Variants in FLRT2 observed in about 807,000 individuals in gnomAD.
FLRT2 encodes the protein fibronectin leucine rich transmembrane protein 2, also known as leucine-rich repeat transmembrane protein FLRT2.
Under a neutral mutation model 40.0 loss-of-function variants are expected in FLRT2, and 15 were observed. That is an observed-to-expected ratio of 0.38 (90% confidence interval 0.25 to 0.58). FLRT2 has a LOEUF of 0.58. Ranked by LOEUF, FLRT2 falls within the 20% of genes least tolerant of loss-of-function variation. The probability of loss-of-function intolerance (pLI) is 0.71; values close to 1 mark genes in which losing one functional copy is unlikely to be tolerated. For synonymous variants in FLRT2, 380 were observed against 336.8 expected (o/e 1.13, Z -1.41); for missense variants, 726 against 840.0 (o/e 0.86, Z 1.68).
chr14:85,537,565 A>G (rs1888733681), intron 1 of FLRT2, among the ~76,000 whole-genome samples: 1 of 152,080 alleles, frequency 6.6e-6, no homozygotes, highest in Admixed American at 6.5e-5. Flanking sequence ...TCAGTAATAA[A>G]GGACCTCCAA....
rs1893923718 is a variant in FLRT2, at chr14:85,633,152, T to C, written c.*9655T>C. The stretch of plus-strand genomic sequence containing the variant: ...ATGATCTATTTAAAGGTAATTAGCA[T>C]TCAAAATTCCTCAAAACACTCAATA... On this transcript the variant is annotated 3_prime_UTR_variant, in exon 2 of 2. Coordinates refer to ENST00000330753, the MANE Select transcript of FLRT2 (RefSeq NM_013231.6). The C allele has an allele frequency of 6.6e-6, 1 of 152,204 alleles. No homozygotes were observed. The highest frequency in any genetic ancestry group is 6.5e-5 in the Admixed American group (1 of 15,276). The allele number at this position is 152,204 out of a possible 1,614,324, so 9.4% of individuals were successfully genotyped here. A position where few individuals can be genotyped will look rare whatever the true frequency, so the allele number is the denominator to read the frequency against.
intron 1 of FLRT2, among the ~76,000 whole-genome samples, chr14:85,589,345 G>C (rs1891779657): frequency 6.6e-6 from 1 of 152,096 alleles, no homozygotes; most frequent in Admixed American, 6.5e-5. Flanking sequence ...GTTTTAATTT[G>C]CATTTCTCTA....
At chr14:85,572,507 T>C (rs909271176) in intron 1 of FLRT2, among the ~76,000 whole-genome samples, 1 of 152,346 alleles carries the variant, frequency 6.6e-6, no homozygotes, top group South Asian at 2.1e-4. Flanking sequence ...ATTATTCACG[T>C]CCCGTATTCA....
chr14:85,549,283 A>G (rs1259887538), intron 1 of FLRT2, among the ~76,000 whole-genome samples: 2 of 152,138 alleles, frequency 1.3e-5, no homozygotes. Flanking sequence ...ACACTGTAAC[A>G]CAGGGCCTCT....
At position 85,585,946 on chromosome 14, in the gene FLRT2, T is replaced by C. The variant is rs146415724; in HGVS notation, c.-376-35193T>C. 5.5e-4 allele frequency among the ~76,000 whole-genome samples: 83 copies of C among 151,110 alleles called. 1 individual carries two copies. The Middle Eastern group carries it at 0.01, about 19-fold the overall frequency. On this transcript the variant is annotated intron_variant, in intron 1 of 1. Coordinates refer to ENST00000330753, the MANE Select transcript of FLRT2 (RefSeq NM_013231.6). The stretch of plus-strand genomic sequence containing the variant: ...TTACTTCTTTGATATTGGCTCTACA[T>C]GCTTTTAATTAAGTATATATATTTT...
intron 1 of FLRT2, among the ~76,000 whole-genome samples, chr14:85,592,317 C>T (rs984937567): frequency 3.3e-5 from 5 of 152,118 alleles, no homozygotes; most frequent in South Asian, 2.1e-4. Flanking sequence ...TATCTGGCAG[C>T]AATTGGGCTG....
Position 85,653,588 on chromosome 14 carries a change from C to A in FLRT2, c.*30091C>A, listed in dbSNP as rs1254904125. On this transcript the variant is annotated 3_prime_UTR_variant, in exon 2 of 2. Transcript: ENST00000330753. The stretch of plus-strand genomic sequence containing the variant: ...GAAACTTGCTGCCTTTTCCTAGAAG[C>A]ACATGAAAGAAACCCTGGTCCAAGC... The A allele has an allele frequency of 6.6e-6, 1 of 152,234 alleles. No homozygotes were observed. The highest frequency in any genetic ancestry group is 2.4e-5 in the African/African-American group (1 of 41,446). The allele number at this position is 152,234 out of a possible 1,614,324, so 9.4% of individuals were successfully genotyped here.
At position 85,645,946 on chromosome 14, in the gene FLRT2, G is replaced by C. The variant is rs1027620349; in HGVS notation, c.*22449G>C. On this transcript the variant is annotated 3_prime_UTR_variant, in exon 2 of 2. Transcript: ENST00000330753. ...CTATTTAGTGGCAGGTGGTGACAGTGGATTTCTTCTCTTATGGAAAGGACA... is the reference window on the plus strand; with the variant it reads ...CTATTTAGTGGCAGGTGGTGACAGTCGATTTCTTCTCTTATGGAAAGGACA... 3 of 150,436 alleles carry C rather than the reference G, an allele frequency of 2.0e-5. No homozygotes were observed. Among genetic ancestry groups the C allele is most frequent in the Non-Finnish European group, 2.9e-5 (2 of 67,872 alleles). The allele number at this position is 150,436 out of a possible 1,614,324, so 9.3% of individuals were successfully genotyped here.
At chr14:85,577,920 T>A (rs932646068) in intron 1 of FLRT2, among the ~76,000 whole-genome samples, 4 of 151,616 alleles carry the variant, frequency 2.6e-5, no homozygotes, top group Non-Finnish European at 5.9e-5. Context: ...TCAATAGGAC[T>A]TGCGCGAGAA....
chr14:85,536,970 A>T (rs781164475), intron 1 of FLRT2, among the ~76,000 whole-genome samples: 1 of 152,166 alleles, frequency 6.6e-6, no homozygotes, highest in East Asian at 1.9e-4. Flanking sequence ...GTGAAATTTT[A>T]TTGCTCCTAA....
At chr14:85,558,566 A>C (rs996528570) in intron 1 of FLRT2, among the ~76,000 whole-genome samples, 1 of 152,186 alleles carries the variant, frequency 6.6e-6, no homozygotes, top group African/African-American at 2.4e-5. Context: ...GTTTCAAAGG[A>C]GGAGTCTCTT....
In FLRT2 at chr14:85,626,354, G is replaced by A. The variant is rs1893682321; in HGVS notation, c.*2857G>A. The A allele has an allele frequency of 6.0e-6, 1 of 167,016 alleles. No individual in the cohort carries two copies. The highest frequency in any genetic ancestry group is 1.5e-5 in the Non-Finnish European group (1 of 68,130). The allele number at this position is 167,016 out of a possible 1,614,324, so 10.3% of individuals were successfully genotyped here. ...TTTGAGATGATTAGTCAAGAGTCAA[G>A]GTTGCGAGTACAGGCCAAGACCATG... is the stretch of plus-strand genomic sequence containing the variant. On this transcript the variant is annotated 3_prime_UTR_variant, in exon 2 of 2. Transcript: ENST00000330753.
In FLRT2 at chr14:85,631,251, G is replaced by A. The variant is rs1893866186; in HGVS notation, c.*7754G>A. ...TTCCCCTTTGCCTGATGACATATTTGTCCTTTAAGATACAAGTCAAAGACC... is the reference window on the plus strand; with the variant it reads ...TTCCCCTTTGCCTGATGACATATTTATCCTTTAAGATACAAGTCAAAGACC... On this transcript the variant is annotated 3_prime_UTR_variant, in exon 2 of 2. Transcript: ENST00000330753. 6.6e-6 allele frequency: 1 copy of A among 151,246 alleles called. No homozygotes were observed. Among genetic ancestry groups the A allele is most frequent in the African/African-American group, 2.4e-5 (1 of 41,030 alleles). The allele number at this position is 151,246 out of a possible 1,614,324, so 9.4% of individuals were successfully genotyped here. A position where few individuals can be genotyped will look rare whatever the true frequency, so the allele number is the denominator to read the frequency against.
chr14:85,601,389 C>T (rs915393108), intron 1 of FLRT2, among the ~76,000 whole-genome samples: 1 of 152,220 alleles, frequency 6.6e-6, no homozygotes, highest in Non-Finnish European at 1.5e-5. Context: ...TTCTGGAACA[C>T]AGCCAGACTT....
intron 1 of FLRT2, among the ~76,000 whole-genome samples, chr14:85,602,635 G>GT (rs1390988728): frequency 6.6e-6 from 1 of 152,206 alleles, no homozygotes; most frequent in Non-Finnish European, 1.5e-5. Context: ...AATGGAAAGA[G>GT]TGGGCGTAAT....
Position 85,623,559 on chromosome 14 carries a change from G to A in FLRT2, c.*62G>A, listed in dbSNP as rs1893530717. On this transcript the variant is annotated 3_prime_UTR_variant, in exon 2 of 2. Transcript: ENST00000330753. ...GACTCTTGAGAACACACTCGTGTGTGCACATAAAGACACGCAGATTACATT... is the reference window on the plus strand; with the variant it reads ...GACTCTTGAGAACACACTCGTGTGTACACATAAAGACACGCAGATTACATT... 2 of 1,264,032 alleles carry A rather than the reference G, an allele frequency of 1.6e-6. No homozygotes were observed. The highest frequency in any genetic ancestry group is 2.1e-6 in the Non-Finnish European group (2 of 959,724). 78.3% of individuals were successfully genotyped at this position (1,264,032 alleles called of 1,614,324 possible). A position where few individuals can be genotyped will look rare whatever the true frequency, so the allele number is the denominator to read the frequency against.
intron 1 of FLRT2, among the ~76,000 whole-genome samples, chr14:85,619,600 C>CT (rs1225209062): frequency 6.6e-6 from 1 of 152,150 alleles, no homozygotes; most frequent in African/African-American, 2.4e-5. Context: ...TTCCAGTGTT[C>CT]TTTTTTTCTT....
intron 1 of FLRT2, among the ~76,000 whole-genome samples, chr14:85,545,322 A>T (rs1433248618): frequency 6.6e-6 from 1 of 152,198 alleles, no homozygotes; most frequent in Non-Finnish European, 1.5e-5. Context: ...TTCTGTTGAT[A>T]AAAGTTGTGA....
intron 1 of FLRT2, among the ~76,000 whole-genome samples, chr14:85,576,336 A>G (rs1173500357): frequency 6.6e-6 from 1 of 152,126 alleles, no homozygotes; most frequent in East Asian, 1.9e-4. Context: ...TGATGCCTCA[A>G]AGTATTTGGC....
Sources: allele counts gnomAD v4.1 joint callset (sites outside exome capture counted in the v4.1 genomes callset), GRCh38; gene constraint gnomAD v4.1.1; transcripts MANE v1.5; gene names NCBI Gene and HGNC (gene_info 2026-07-23, HGNC 2026-07-21).